DENND11: variants seen among roughly 807,000 people sequenced by gnomAD.
DENND11 encodes the protein DENN domain-containing protein 11.
Under a neutral mutation model 49.2 loss-of-function variants are expected in DENND11, and 34 were observed. That is an observed-to-expected ratio of 0.69 (90% confidence interval 0.53 to 0.92). The LOEUF is 0.92. Ranked by LOEUF, DENND11 falls within the 40% of genes least tolerant of loss-of-function variation. The probability of loss-of-function intolerance (pLI) is 0.00; values close to 1 mark genes in which losing one functional copy is unlikely to be tolerated. For missense variants in DENND11, 475 were observed against 581.6 expected, an observed-to-expected ratio of 0.82 and a Z score of 1.88; for synonymous variants, 238 against 230.3, an observed-to-expected ratio of 1.03 and a Z score of -0.30.
At position 141,666,425 on chromosome 7, in the gene DENND11, T is replaced by C. The variant is rs1265730181; in HGVS notation, c.682A>G (p.Ile228Val). 1 of 1,598,708 alleles carries C rather than the reference T, an allele frequency of 6.3e-7. No individual in the cohort carries two copies. The highest frequency in any genetic ancestry group is 1.1e-5 in the South Asian group (1 of 89,554). ...GACATGCAGCCAGCTGGGTGTGTGA[T>C]CTGAAAAAATTGAGGGGAATAGGGA... ...IHRYMYPEMK[I>V]THPAGCMSQF... The change falls in exon 5 of 9, where the codon ATC (isoleucine) becomes GTC (valine). Residue 228 changes from isoleucine (I) to valine (V), a missense_variant and splice_region_variant. Physicochemically the swap from Ile to Val is conservative, Grantham distance 29 (BLOSUM62 3). Transcript: ENST00000536163.
intron 4 of DENND11, among the ~76,000 whole-genome samples, chr7:141,672,501 C>T (rs1797998477): frequency 6.6e-6 from 1 of 152,222 alleles, no homozygotes; most frequent in Non-Finnish European, 1.5e-5. Context: ...CAGCAAGGTA[C>T]TGAGGCCTTC....
At chr7:141,689,383 A>G (rs1005031273) in intron 1 of DENND11, among the ~76,000 whole-genome samples, 1 of 152,216 alleles carries the variant, frequency 6.6e-6, no homozygotes, top group African/African-American at 2.4e-5. Flanking sequence ...GTTCTCACTC[A>G]TAAGTGGGAG....
chr7:141,685,986 G>C (rs1798236815), intron 2 of DENND11, among the ~76,000 whole-genome samples: 1 of 152,180 alleles, frequency 6.6e-6, no homozygotes, highest in Non-Finnish European at 1.5e-5. Context: ...CTCTTTCGTA[G>C]CATAAACCAC....
rs1405310098 is a variant in DENND11, at chr7:141,686,237, T to TC, written c.368+321dup. On this transcript the variant is annotated intron_variant, in intron 2 of 8. Transcript: ENST00000536163. Reference sequence around the variant, plus strand: ...AATTTCAAGGTTGAACACATAGATATCCTCAGTTAACTCACACGGGGCTGA... The same window carrying TC: ...AATTTCAAGGTTGAACACATAGATATCCCTCAGTTAACTCACACGGGGCTGA... Among the ~76,000 whole-genome samples the TC allele has an allele frequency of 3.9e-5, 6 of 152,172 alleles. No individual in the cohort carries two copies. In the East Asian group the frequency reaches 1.2e-3, roughly 29 times the overall value.
chr7:141,699,118 G>C (rs1798463404), intron 1 of DENND11, among the ~76,000 whole-genome samples: 1 of 152,100 alleles, frequency 6.6e-6, no homozygotes, highest in Admixed American at 6.5e-5. Context: ...TCTAATTTTG[G>C]TAAAGAAGTC....
In DENND11 at chr7:141,666,384, G is replaced by T. The variant is rs759584243; in HGVS notation, c.723C>A (p.Phe241Leu). ...PAGCMSQFIK[F>L]FGEQILILWK... ...AGAGGATGAGGATCTGTTCTCCAAA[G>T]AACTTTATAAACTGAGACATGCAGC... Residue 241 changes from phenylalanine to leucine, a missense_variant, in exon 5 of 9, where the codon TTC becomes TTA. Coordinates refer to ENST00000536163, the MANE Select transcript of DENND11 (RefSeq NM_001080392.2). 53 of 1,611,694 alleles carry T rather than the reference G, an allele frequency of 3.3e-5. No homozygotes were observed. Among genetic ancestry groups the T allele is most frequent in the Non-Finnish European group, 4.3e-5 (51 of 1,178,354 alleles).
At chr7:141,677,784 A>G (rs1187640550) in intron 3 of DENND11, among the ~76,000 whole-genome samples, 1 of 151,986 alleles carries the variant, frequency 6.6e-6, no homozygotes, top group Non-Finnish European at 1.5e-5. Flanking sequence ...CACAGGGGTG[A>G]AAAAAACAAG....
At position 141,667,218 on chromosome 7, in the gene DENND11, G is replaced by A. The variant is rs147606893; in HGVS notation, c.682-793C>T. Among the ~76,000 whole-genome samples the A allele has an allele frequency of 3.4e-3, 522 of 152,220 alleles. 7 individuals carry two copies. Among genetic ancestry groups the A allele is most frequent in the African/African-American group, 0.012 (501 of 41,530 alleles). ...TTACAGGCGTGAGCCACCACGACTG[G>A]CCCCACTCTTCCTTCTGTCACTAAC... On this transcript the variant is annotated intron_variant, in intron 4 of 8. Coordinates refer to ENST00000536163, the MANE Select transcript of DENND11 (RefSeq NM_001080392.2).
At position 141,664,171 on chromosome 7, in the gene DENND11, C is replaced by T; in HGVS notation, c.1172+1G>A. On this transcript the variant is annotated splice_donor_variant, in intron 8 of 8. Coordinates refer to ENST00000536163, the MANE Select transcript of DENND11 (RefSeq NM_001080392.2). LOFTEE classifies it high-confidence loss of function. ...TCCACATCCACGGCCCCAGGACTCA[C>T]AGCACGAAGAGGTCCTCTTCACAAG... The T allele has an allele frequency of 6.3e-7, 1 of 1,575,900 alleles. No homozygotes were observed. Among genetic ancestry groups the T allele is most frequent in the South Asian group, 1.2e-5 (1 of 85,952 alleles).
At chr7:141,665,908 C>T (rs567892499) in intron 5 of DENND11, among the ~76,000 whole-genome samples, 18 of 151,980 alleles carry the variant, frequency 1.2e-4, no homozygotes, top group African/African-American at 3.6e-4. Flanking sequence ...AGCCAGCCCC[C>T]GGCTCCTCCT....
At chr7:141,667,422 C>T (rs1017044348) in intron 4 of DENND11, among the ~76,000 whole-genome samples, 5 of 152,140 alleles carry the variant, frequency 3.3e-5, no homozygotes, top group South Asian at 2.1e-4. Flanking sequence ...CTGTGAAATA[C>T]GGAATCATCA....
At chr7:141,685,028 AAATATATATATAT>A (rs1342654589) in intron 3 of DENND11, among the ~76,000 whole-genome samples, 44 of 100,886 alleles carry the variant, frequency 4.4e-4, no homozygotes, top group Middle Eastern at 4.5e-3. Flanking sequence ...AAAAAAAAAA[AAATATATATATAT>A]ATATATATAT....
At chr7:141,662,881 G>T in intron 8 of DENND11, 30 bp from the exon 9 acceptor site, 1 of 1,481,376 alleles carries the variant, frequency 6.8e-7, no homozygotes, top group East Asian at 2.5e-5. Context: ...CACAGGAAAG[G>T]AAGCGGGGGG....
rs1797771936 is a variant in DENND11 at position 141,660,470 on chromosome 7, T to G, written c.*2186A>C. 6.6e-6 allele frequency: 1 copy of G among 152,128 alleles called. No homozygotes were observed. Among genetic ancestry groups the G allele is most frequent in the Non-Finnish European group, 1.5e-5 (1 of 68,040 alleles). The allele number at this position is 152,128 out of a possible 1,614,324, so 9.4% of individuals were successfully genotyped here. A position where few individuals can be genotyped will look rare whatever the true frequency, so the allele number is the denominator to read the frequency against. ...GAACCCAGAAGCCCTGACTCACCAT[T>G]CAAAGGAAAAAACAGGAACTTCATT... On this transcript the variant is annotated 3_prime_UTR_variant, in exon 9 of 9. Transcript: ENST00000536163.
At chr7:141,685,030 ATATATAT>A (rs1259582013) in intron 3 of DENND11, among the ~76,000 whole-genome samples, 26 of 67,700 alleles carry the variant, frequency 3.8e-4, no homozygotes, top group South Asian at 1.8e-3. Flanking sequence ...AAAAAAAAAA[ATATATAT>A]ATATATATAT....
chr7:141,664,274 G>C, intron 7 of DENND11, 34 bp from the exon 8 acceptor site: 1 of 1,530,380 alleles, frequency 6.5e-7, no homozygotes, highest in Non-Finnish European at 8.9e-7. Flanking sequence ...CTCTGGTGCA[G>C]GTACCAGGAC....
In DENND11 at chr7:141,659,629, A is replaced by C. The variant is rs909281388; in HGVS notation, c.*3027T>G. On this transcript the variant is annotated 3_prime_UTR_variant, in exon 9 of 9. Coordinates refer to ENST00000536163, the MANE Select transcript of DENND11 (RefSeq NM_001080392.2). The stretch of plus-strand genomic sequence containing the variant: ...GGAACAACAGGGCAGCCCAGCCAGC[A>C]TCTCAGGTCAGCAATCATTTCCAAA... 2 of 152,366 alleles carry C rather than the reference A, an allele frequency of 1.3e-5. No individual in the cohort carries two copies. Among genetic ancestry groups the C allele is most frequent in the African/African-American group, 2.4e-5 (1 of 41,476 alleles). The allele number at this position is 152,366 out of a possible 1,614,324, so 9.4% of individuals were successfully genotyped here.
At chr7:141,663,091 G>T in intron 8 of DENND11, 1 of 388,300 alleles carries the variant, frequency 2.6e-6, no homozygotes. Context: ...AAGCAAGATG[G>T]CCTGTCAAAA....
chr7:141,677,963 T>C (rs1201792090), intron 3 of DENND11, among the ~76,000 whole-genome samples: 1 of 148,530 alleles, frequency 6.7e-6, no homozygotes, highest in Non-Finnish European at 1.5e-5. Context: ...TCAATAATCT[T>C]TTTTTTTTTT....
Sources: allele counts gnomAD v4.1 joint callset (sites outside exome capture counted in the v4.1 genomes callset), GRCh38; gene constraint gnomAD v4.1.1; transcripts MANE v1.5; gene names NCBI Gene and HGNC (gene_info 2026-07-23, HGNC 2026-07-21).